Variants in WIPI2 observed in about 807,000 individuals in gnomAD.
The protein encoded by WIPI2 is WD repeat domain, phosphoinositide interacting 2, also known as WD repeat domain phosphoinositide-interacting protein 2.
WIPI2 carries 28 observed loss-of-function variants against 52.3 expected under a neutral mutation model. That is an observed-to-expected ratio of 0.54 (90% CI 0.40 to 0.73). WIPI2 has a LOEUF of 0.73. WIPI2 is among the 30% of genes least tolerant of loss of function. The pLI is 0.00. For synonymous variants in WIPI2, 268 were observed against 245.0 expected, an observed-to-expected ratio of 1.09 and a Z score of -0.88; for missense variants, 506 against 602.9, an observed-to-expected ratio of 0.84 and a Z score of 1.68.
intron 4 of WIPI2, among the ~76,000 whole-genome samples, chr7:5,214,955 G>GA (rs987707101): frequency 2.0e-5 from 3 of 152,256 alleles, no homozygotes; most frequent in Non-Finnish European, 4.4e-5. Flanking sequence ...GCCCCACCCA[G>GA]AGGGTGGATG....
chr7:5,214,357 G>A (rs765784182), intron 3 of WIPI2, 178 bp from the exon 4 acceptor site: 23 of 1,587,902 alleles, frequency 1.4e-5, no homozygotes, highest in Admixed American at 1.0e-4. Context: ...AGGCTCCAGC[G>A]AATCAAGACC....
chr7:5,222,736 TCTATGAACAAA>T, intron 8 of WIPI2, 64 bp downstream of exon 8: 1 of 1,489,796 alleles, frequency 6.7e-7, no homozygotes, highest in Non-Finnish European at 9.3e-7. Context: ...TTTTATGTTA[TCTATGAACAAA>T]CAAGTAGAAC....
At chr7:5,209,508 C>A (rs956738201) in intron 3 of WIPI2, among the ~76,000 whole-genome samples, 1 of 152,188 alleles carries the variant, frequency 6.6e-6, no homozygotes, top group African/African-American at 2.4e-5. Flanking sequence ...ATGAGCATTG[C>A]ATTTTCTCAT....
At chr7:5,216,495 C>G in intron 4 of WIPI2, 68 bp from the exon 5 acceptor site, 1 of 1,252,762 alleles carries the variant, frequency 8.0e-7, no homozygotes, top group Non-Finnish European at 1.2e-6. Context: ...AGTCAGTCAA[C>G]TGGAGATTGG....
At chr7:5,208,746 C>T (rs1782413501) in intron 3 of WIPI2, among the ~76,000 whole-genome samples, 1 of 152,048 alleles carries the variant, frequency 6.6e-6, no homozygotes, top group Non-Finnish European at 1.5e-5. Context: ...TTTCTGGACT[C>T]TTTAGTCTCT....
In WIPI2 at chr7:5,227,016, C is replaced by T; in HGVS notation, c.849-164C>T. The T allele has an allele frequency of 1.1e-6, 1 of 910,662 alleles. No homozygotes were observed. The highest frequency in any genetic ancestry group is 1.6e-6 in the Non-Finnish European group (1 of 606,662). The allele number at this position is 910,662 out of a possible 1,614,324, so 56.4% of individuals were successfully genotyped here. On this transcript the variant is annotated intron_variant, in intron 9 of 12. Coordinates refer to ENST00000288828, the MANE Select transcript of WIPI2 (RefSeq NM_015610.4). This position sits in a 1 kb window ranked among gnomAD's most constrained non-coding sequence, Gnocchi z 8.1. ...CCTCCCAGAGGAAGCTCCGTGATGC[C>T]CCTGGGGCCCTGAGTGTCTGCTTAT...
intron 5 of WIPI2, 27 bp from the exon 6 acceptor site, chr7:5,217,063 A>T: frequency 1.3e-6 from 2 of 1,594,230 alleles, no homozygotes; most frequent in Middle Eastern, 1.7e-4. Flanking sequence ...GGAAGTTTGC[A>T]TCTCGTCCTC....
chr7:5,200,573 G>C (rs1781973898), intron 3 of WIPI2, among the ~76,000 whole-genome samples: 1 of 147,610 alleles, frequency 6.8e-6, no homozygotes, highest in African/African-American at 2.5e-5. Context: ...TTTTTTTTGA[G>C]ACGGAGTTTT....
chr7:5,202,550 AT>A (rs201590345), intron 3 of WIPI2, among the ~76,000 whole-genome samples: 1 of 151,096 alleles, frequency 6.6e-6, no homozygotes, highest in African/African-American at 2.4e-5. Flanking sequence ...CACCTGGCTG[AT>A]TTTTTTTTAA....
At chr7:5,216,805 A>C in intron 5 of WIPI2, 146 bp downstream of exon 5, 2 of 791,964 alleles carry the variant, frequency 2.5e-6, no homozygotes, top group Non-Finnish European at 4.0e-6. Flanking sequence ...CTGCCTTCCT[A>C]CTGATGCTGG....
intron 3 of WIPI2, among the ~76,000 whole-genome samples, chr7:5,212,694 T>A (rs111731546): frequency 5.0e-4 from 76 of 152,340 alleles, no homozygotes; most frequent in Non-Finnish European, 7.2e-4. Context: ...ATTTTTGTAT[T>A]TTTTGTAGAG....
chr7:5,233,000 C>T lies in WIPI2; in HGVS notation c.*2053C>T, dbSNP rs1309175876. The stretch of plus-strand genomic sequence containing the variant: ...AAGATGAGGCAGTTGCAGAGGAGGC[C>T]TCGGACGTCCTGTGACCCTCGGCCC... On this transcript the variant is annotated 3_prime_UTR_variant, in exon 13 of 13. Coordinates refer to ENST00000288828, the MANE Select transcript of WIPI2 (RefSeq NM_015610.4). The T allele has an allele frequency of 2.6e-5, 4 of 152,262 alleles. No homozygotes were observed. The highest frequency in any genetic ancestry group is 9.7e-5 in the African/African-American group (4 of 41,434). 9.4% of individuals were successfully genotyped at this position (152,262 alleles called of 1,614,324 possible).
rs1327827779 is a variant in WIPI2, at chr7:5,190,379, C to T, written c.-41C>T. 2.3e-6 allele frequency: 3 copies of T among 1,313,100 alleles called. No individual in the cohort carries two copies. The highest frequency in any genetic ancestry group is 2.9e-6 in the Non-Finnish European group (3 of 1,026,890). 81.3% of individuals were successfully genotyped at this position (1,313,100 alleles called of 1,614,324 possible). A position where few individuals can be genotyped will look rare whatever the true frequency, so the allele number is the denominator to read the frequency against. On this transcript the variant is annotated 5_prime_UTR_variant, in exon 1 of 13. Transcript: ENST00000288828. Reference sequence around the variant, plus strand: ...GTGCAGCCTGACCCGCCCTCGCGCGCGCGCCCTCCCCGGCCGGGCCCACTC... The same window carrying T: ...GTGCAGCCTGACCCGCCCTCGCGCGTGCGCCCTCCCCGGCCGGGCCCACTC...
In WIPI2 at chr7:5,227,780, C is replaced by T. The variant is rs935040797; in HGVS notation, c.1014-324C>T. Among the ~76,000 whole-genome samples, 5 of 152,148 alleles carry T rather than the reference C, an allele frequency of 3.3e-5. No individual in the cohort carries two copies. The highest frequency in any genetic ancestry group is 6.5e-5 in the Admixed American group (1 of 15,268). On this transcript the variant is annotated intron_variant, in intron 10 of 12. Coordinates refer to ENST00000288828, the MANE Select transcript of WIPI2 (RefSeq NM_015610.4). This position sits in a 1 kb window ranked among gnomAD's most constrained non-coding sequence, Gnocchi z 8.1. ...CAGTGATGGCAGGGCTTTGGGCTTC[C>T]GTGCGTCTTTAAACATCATTTTCCA...
At chr7:5,210,929 C>T (rs1450397296) in intron 3 of WIPI2, among the ~76,000 whole-genome samples, 1 of 152,134 alleles carries the variant, frequency 6.6e-6, no homozygotes, top group Non-Finnish European at 1.5e-5. Flanking sequence ...TCGCATAGAA[C>T]TCAGCCCACA....
At position 5,230,435 on chromosome 7, in the gene WIPI2, C is replaced by T. The variant is rs572570729; in HGVS notation, c.1253-400C>T. 2.6e-5 allele frequency among the ~76,000 whole-genome samples: 4 copies of T among 152,332 alleles called. No homozygotes were observed. Among genetic ancestry groups the T allele is most frequent in the South Asian group, 4.1e-4 (2 of 4,828 alleles). ...GGGAGAGCCTGTGGTTTTGCACCCACGCAGGGCTGTGCCTGCTCGCTGCCA... is the reference window on the plus strand; with the variant it reads ...GGGAGAGCCTGTGGTTTTGCACCCATGCAGGGCTGTGCCTGCTCGCTGCCA... On this transcript the variant is annotated intron_variant, in intron 12 of 12. Coordinates refer to ENST00000288828, the MANE Select transcript of WIPI2 (RefSeq NM_015610.4). The surrounding 1 kb of genome is among the most constrained non-coding windows in gnomAD (Gnocchi z 4.8).
intron 4 of WIPI2, 25 bp from the exon 5 acceptor site, chr7:5,216,538 T>G: frequency 1.9e-6 from 3 of 1,609,476 alleles, no homozygotes; most frequent in Non-Finnish European, 2.6e-6. Context: ...GCTTCACGTT[T>G]GGTTTCGTTT....
At chr7:5,192,620 T>C (rs1343592537) in intron 1 of WIPI2, among the ~76,000 whole-genome samples, 1 of 152,206 alleles carries the variant, frequency 6.6e-6, no homozygotes, top group Non-Finnish European at 1.5e-5. Flanking sequence ...TAACTTTGAC[T>C]TGCCAGAGAG....
chr7:5,201,613 G>A (rs111600500), intron 3 of WIPI2, among the ~76,000 whole-genome samples: 2 of 152,348 alleles, frequency 1.3e-5, no homozygotes, highest in African/African-American at 4.8e-5. Context: ...AGGCATGGTG[G>A]CGCACACCTG....
Sources: allele counts gnomAD v4.1 joint callset (sites outside exome capture counted in the v4.1 genomes callset), GRCh38; gene constraint gnomAD v4.1.1; non-coding constraint Gnocchi (gnomAD v3.1); transcripts MANE v1.5; gene names NCBI Gene and HGNC (gene_info 2026-07-23, HGNC 2026-07-21).